The following MYO1D variants were observed in gnomAD, a reference collection of about 807,000 sequenced individuals.
MYO1D encodes the protein unconventional myosin-Id.
MYO1D carries 83 observed loss-of-function variants against 122.0 expected under a neutral mutation model. That is an observed-to-expected ratio of 0.68 (90% CI 0.57 to 0.82). MYO1D has a LOEUF of 0.82. Ranked by LOEUF, MYO1D falls within the 40% of genes least tolerant of loss-of-function variation. The pLI is 0.00. For missense variants in MYO1D, 1,157 were observed against 1,269.5 expected, an observed-to-expected ratio of 0.91 and a Z score of 1.35; for synonymous variants, 464 against 446.9, an observed-to-expected ratio of 1.04 and a Z score of -0.48.
intron 6 of MYO1D, among the ~76,000 whole-genome samples, chr17:32,769,858 T>C (rs780364252): frequency 4.6e-5 from 7 of 152,068 alleles, no homozygotes; most frequent in Non-Finnish European, 8.8e-5. Context: ...AAGCTAAATT[T>C]AACCTAGAAA....
At chr17:32,674,176 A>G (rs1238006332) in intron 16 of MYO1D, among the ~76,000 whole-genome samples, 1 of 152,138 alleles carries the variant, frequency 6.6e-6, no homozygotes, top group Non-Finnish European at 1.5e-5. Flanking sequence ...TGGAGTGGAA[A>G]CGGCCCTACT....
chr17:32,730,166 C>T (rs1461179945), intron 14 of MYO1D, among the ~76,000 whole-genome samples: 1 of 150,052 alleles, frequency 6.7e-6, no homozygotes, highest in African/African-American at 2.4e-5. Flanking sequence ...AATTTATAAC[C>T]TCTATTTTCT....
intron 14 of MYO1D, among the ~76,000 whole-genome samples, chr17:32,737,929 C>CT (rs1428328484): frequency 5.3e-5 from 8 of 152,208 alleles, no homozygotes; most frequent in Non-Finnish European, 7.3e-5. Flanking sequence ...TGGCCAGGTC[C>CT]TGTTTTCAGC....
At chr17:32,771,277 A>G in intron 5 of MYO1D, 57 bp from the exon 6 acceptor site, 2 of 1,188,686 alleles carry the variant, frequency 1.7e-6, no homozygotes, top group African/African-American at 3.1e-5. Context: ...CCAAACATGA[A>G]CTTAGTGGTA....
intron 16 of MYO1D, chr17:32,684,209 CG>C (rs1159075334): frequency 6.3e-6 from 1 of 157,518 alleles, no homozygotes; most frequent in East Asian, 1.9e-4. Flanking sequence ...CCGTGTTCTG[CG>C]TAGCTCACGC....
chr17:32,820,691 G>A (rs2090653617), intron 1 of MYO1D, among the ~76,000 whole-genome samples: 2 of 152,064 alleles, frequency 1.3e-5, no homozygotes, highest in East Asian at 1.9e-4. Flanking sequence ...TTGGTCAAAG[G>A]GTAGAAACTT....
At chr17:32,542,531 C>A (rs545156699) in intron 21 of MYO1D, among the ~76,000 whole-genome samples, 1 of 150,248 alleles carries the variant, frequency 6.7e-6, no homozygotes, top group Non-Finnish European at 1.5e-5. Context: ...TGAGAAGGGA[C>A]GTCCAAAGAG....
At position 32,842,600 on chromosome 17, in the gene MYO1D, A is replaced by G. The variant is rs140214591; in HGVS notation, c.95+34178T>C. Among the ~76,000 whole-genome samples, 271 of 152,112 alleles carry G rather than the reference A, an allele frequency of 1.8e-3. 2 individuals are homozygous for G. The highest frequency in any genetic ancestry group is 6.0e-3 in the African/African-American group (248 of 41,498). ...CATTCTTTCTCAGCAAAGGTGATCT[A>G]CCCCAACCAGACAAAGCTGTGTGCC... On this transcript the variant is annotated intron_variant, in intron 1 of 21. Coordinates refer to ENST00000318217, the MANE Select transcript of MYO1D (RefSeq NM_015194.3).
In MYO1D at chr17:32,614,264, C is replaced by G. The variant is rs1452279260; in HGVS notation, c.2710-9023G>C. Reference sequence around the variant, plus strand: ...CCTGCCCTTCCATGCCCCCGCCCCCCACACCCCGTCCAAAGCTATGCCTGA... The same window carrying G: ...CCTGCCCTTCCATGCCCCCGCCCCCGACACCCCGTCCAAAGCTATGCCTGA... On this transcript the variant is annotated intron_variant, in intron 20 of 21. Coordinates refer to ENST00000318217, the MANE Select transcript of MYO1D (RefSeq NM_015194.3). 3.3e-5 allele frequency among the ~76,000 whole-genome samples: 5 copies of G among 150,556 alleles called. No individual in the cohort carries two copies. In the South Asian group the frequency reaches 8.6e-4, roughly 26 times the overall value.
chr17:32,604,978 G>A (rs1383560660), intron 21 of MYO1D, 109 bp downstream of exon 21: 7 of 1,079,566 alleles, frequency 6.5e-6, no homozygotes, highest in Non-Finnish European at 7.7e-6. Flanking sequence ...TCCTTATGGA[G>A]AAAAATAGCT....
chr17:32,533,602 C>T (rs987685007), intron 21 of MYO1D, among the ~76,000 whole-genome samples: 1 of 152,108 alleles, frequency 6.6e-6, no homozygotes, highest in African/African-American at 2.4e-5. Context: ...AATTCTCTCA[C>T]GAAAAAGACC....
intron 21 of MYO1D, among the ~76,000 whole-genome samples, chr17:32,520,623 C>T (rs1200777599): frequency 2.0e-5 from 3 of 152,164 alleles, no homozygotes; most frequent in Admixed American, 6.5e-5. Flanking sequence ...TCCCGACTGC[C>T]CTGCTCGCGC....
At chr17:32,746,572 A>T (rs536356084) in intron 12 of MYO1D, among the ~76,000 whole-genome samples, 17 of 152,332 alleles carry the variant, frequency 1.1e-4, no homozygotes, top group African/African-American at 3.6e-4. Context: ...ATGTGTATAT[A>T]TGCGTGTTTT....
chr17:32,875,744 T>G (rs1400198837), intron 1 of MYO1D, among the ~76,000 whole-genome samples: 1 of 152,168 alleles, frequency 6.6e-6, no homozygotes, highest in East Asian at 1.9e-4. Context: ...GAAATTAGGG[T>G]TAAGCACCCA....
chr17:32,789,870 T>C (rs1307150898), intron 1 of MYO1D, among the ~76,000 whole-genome samples: 1 of 152,200 alleles, frequency 6.6e-6, no homozygotes, highest in African/African-American at 2.4e-5. Flanking sequence ...TGCTGACACC[T>C]TGAATTTGGA....
intron 19 of MYO1D, among the ~76,000 whole-genome samples, chr17:32,640,768 T>G (rs1235473699): frequency 6.6e-6 from 1 of 151,892 alleles, no homozygotes; most frequent in Non-Finnish European, 1.5e-5. Flanking sequence ...TATAGCAGCA[T>G]TTTTCTAAGC....
chr17:32,757,730 T>C (rs377597937), intron 10 of MYO1D, among the ~76,000 whole-genome samples: 8 of 152,306 alleles, frequency 5.3e-5, no homozygotes, highest in African/African-American at 1.9e-4. Context: ...TATTGGTCTC[T>C]GCTAGTAACT....
At chr17:32,866,374 C>G (rs943416089) in intron 1 of MYO1D, among the ~76,000 whole-genome samples, 4 of 152,152 alleles carry the variant, frequency 2.6e-5, no homozygotes, top group African/African-American at 9.7e-5. Flanking sequence ...GGTACCCTCC[C>G]CTCTCTGTCA....
chr17:32,760,603 A>G lies in MYO1D; in HGVS notation c.1060T>C (p.Trp354Arg), dbSNP rs1192442235. The G allele has an allele frequency of 1.9e-6, 3 of 1,609,758 alleles. No individual in the cohort carries two copies. Among genetic ancestry groups the G allele is most frequent in the Non-Finnish European group, 2.5e-6 (3 of 1,178,656 alleles). The part of the protein sequence containing the change: ...AKAIYERLFC[W>R]IVTRINDIIE... ...ATATCATTGATGCGAGTAACGATCC[A>G]ACAAAAAAGGCGCTCATATATTGCC... The change falls in exon 9 of 22, where the codon TGG becomes CGG. Residue 354 changes from tryptophan (W) to arginine (R), a missense_variant. Transcript: ENST00000318217.
Sources: allele counts gnomAD v4.1 joint callset (sites outside exome capture counted in the v4.1 genomes callset), GRCh38; gene constraint gnomAD v4.1.1; transcripts MANE v1.5; gene names NCBI Gene and HGNC (gene_info 2026-07-23, HGNC 2026-07-21).